The following KDM6B variants were observed in gnomAD, a reference collection of about 807,000 sequenced individuals.
KDM6B encodes lysine-specific demethylase 6B.
KDM6B carries 22 observed loss-of-function variants against 150.4 expected under a neutral mutation model. That is an observed-to-expected ratio of 0.15 (90% CI 0.10 to 0.21). The LOEUF (loss-of-function observed/expected upper bound fraction) is 0.21, where lower values mean the gene tolerates loss of function less well. Among genes scored for constraint, KDM6B ranks in the 10% least tolerant of loss-of-function variants. The pLI is 1.00. For synonymous variants in KDM6B, 1,148 were observed against 921.1 expected (o/e 1.25, Z -4.46); for missense variants, 1,984 against 2,234.3 (o/e 0.89, Z 2.26).
rs371958615 is a variant in KDM6B, at chr17:7,848,044, C to T, written c.1756C>T (p.Arg586Trp). The T allele has an allele frequency of 2.1e-5, 34 of 1,611,264 alleles. No individual in the cohort carries two copies. Among genetic ancestry groups the T allele is most frequent in the African/African-American group, 1.2e-4 (9 of 74,650 alleles). The part of the protein sequence containing the change: ...YLARSIDPLP[R>W]PPSPAQNPQD... ...GGCCAGAAGTATAGACCCCCTTCCCCGGCCTCCCAGCCCAGCACAGAACCC... is the reference window on the plus strand; with the variant it reads ...GGCCAGAAGTATAGACCCCCTTCCCTGGCCTCCCAGCCCAGCACAGAACCC... The change falls in exon 12 of 24, where the codon CGG (arginine) becomes TGG (tryptophan). Residue 586 changes from arginine to tryptophan, a missense_variant. Transcript: ENST00000448097.
rs34157498 is a variant in KDM6B, at chr17:7,854,407, T to TA, written c.*894dup. ...AAGTGGGAACTGAAATGGTATTTTG[T>TA]AAAAAAAATAAATAAAATAAAAAAA... On this transcript the variant is annotated 3_prime_UTR_variant, in exon 24 of 24. Transcript: ENST00000448097. 60,926 of 151,902 alleles carry TA rather than the reference T, an allele frequency of 0.4. 14,746 individuals carry two copies. Among genetic ancestry groups the TA allele is most frequent in the Non-Finnish European group, 0.57 (38,843 of 67,864 alleles). The allele number at this position is 151,902 out of a possible 1,614,324, so 9.4% of individuals were successfully genotyped here. A position where few individuals can be genotyped will look rare whatever the true frequency, so the allele number is the denominator to read the frequency against.
rs200764249 is a variant in KDM6B, at chr17:7,851,258, T to C, written c.3879+32T>C. ...TGAGAACGTGGCCAGAGGCAGGTCCTGGGACGGGGCTGCGGTGGGAGGGCT... is the reference window on the plus strand; with the variant it reads ...TGAGAACGTGGCCAGAGGCAGGTCCCGGGACGGGGCTGCGGTGGGAGGGCT... On this transcript the variant is annotated intron_variant, in intron 15 of 23. Coordinates refer to ENST00000448097, the MANE Select transcript of KDM6B (RefSeq NM_001348716.2). 201 of 1,613,412 alleles carry C rather than the reference T, an allele frequency of 1.2e-4. No homozygotes were observed. The East Asian group carries it at 4.3e-3, about 35-fold the overall frequency.
chr17:7,846,040 CA>C (rs770193188), intron 6 of KDM6B, 37 bp from the exon 7 acceptor site: 1 of 1,503,984 alleles, frequency 6.6e-7, no homozygotes, highest in South Asian at 1.2e-5. Flanking sequence ...CCCTCAAGCC[CA>C]ACCCCCACCC....
chr17:7,836,041 T>C (rs2078329059), intron 1 of KDM6B, among the ~76,000 whole-genome samples: 2 of 152,210 alleles, frequency 1.3e-5, no homozygotes, highest in South Asian at 4.1e-4. Context: ...GGCCGCTGCC[T>C]TCCCGGGCTC....
Position 7,849,912 on chromosome 17 carries a change from C to A in KDM6B, c.3532C>A (p.Arg1178=), listed in dbSNP as rs779500605. The A allele has an allele frequency of 6.2e-7, 1 of 1,613,570 alleles. No individual in the cohort carries two copies. The highest frequency in any genetic ancestry group is 1.1e-5 in the South Asian group (1 of 91,080). The change falls in exon 13 of 24, where the codon CGG becomes AGG. Residue 1178 remains arginine, a synonymous_variant. Coordinates refer to ENST00000448097, the MANE Select transcript of KDM6B (RefSeq NM_001348716.2). The stretch of plus-strand genomic sequence containing the variant: ...GATCAACACTGAGGAGAAGCTGCCC[C>A]GGGAAAAACTCAACCCCCCTACACC... ...PKINTEEKLP[R]EKLNPPTPSI... is the part of the protein sequence containing the mutation.
rs1362422851 is a variant in KDM6B at position 7,849,559 on chromosome 17, A to G, written c.3271A>G (p.Lys1091Glu). ...PPGVSRADMLKLRSLSEGPPK... is the reference protein window; with the variant it reads ...PPGVSRADMLELRSLSEGPPK... ...GGGTGTCAGCCGGGCCGACATGCTG[A>G]AGCTGCGCTCACTTAGTGAGGGGCC... The change falls in exon 12 of 24, where the codon AAG becomes GAG. Residue 1091 changes from lysine to glutamate, a missense_variant. By Grantham distance (56) the Lys-to-Glu change is moderately conservative. Coordinates refer to ENST00000448097, the MANE Select transcript of KDM6B (RefSeq NM_001348716.2). The G allele has an allele frequency of 1.2e-6, 2 of 1,612,752 alleles. No individual in the cohort carries two copies. Among genetic ancestry groups the G allele is most frequent in the Non-Finnish European group, 1.7e-6 (2 of 1,179,982 alleles).
intron 21 of KDM6B, 89 bp from the exon 22 acceptor site, chr17:7,852,911 T>G: frequency 7.7e-6 from 12 of 1,565,812 alleles, no homozygotes; most frequent in Non-Finnish European, 1.1e-5. Context: ...GGGAGGGCCC[T>G]GGGGCTGCCC....
rs757312555 is a variant in KDM6B at position 7,851,372 on chromosome 17, A to G, written c.3922A>G (p.Ser1308Gly). 6 of 1,614,204 alleles carry G rather than the reference A, an allele frequency of 3.7e-6. No individual in the cohort carries two copies. The East Asian group carries it at 1.3e-4, about 36-fold the overall frequency. The change falls in exon 16 of 24, where the codon AGC becomes GGC. Residue 1308 changes from serine (S) to glycine (G), a missense_variant. By Grantham distance (56) the Ser-to-Gly change is moderately conservative. Transcript: ENST00000448097. ...SEDEESEEPDSTTGTPPSSAP... is the reference protein window; with the variant it reads ...SEDEESEEPDGTTGTPPSSAP... ...GGATGAGGAGTCAGAGGAGCCAGAC[A>G]GCACCACTGGAACCCCTCCTAGGTA...
chr17:7,852,284 G>T lies in KDM6B; in HGVS notation c.4416G>T (p.Val1472=), dbSNP rs530809501. Residue 1472 remains valine, a synonymous_variant, in exon 20 of 24, where the codon GTG becomes GTT. Transcript: ENST00000448097. ...TTAATGCGGGGACTGTGCACTGGGT[G>T]CAGGCCACCGGCTGGTGCAACAACA... ...VWINAGTVHW[V]QATGWCNNIA... is the part of the protein sequence containing the mutation. 1.2e-6 allele frequency: 2 copies of T among 1,613,918 alleles called. No individual in the cohort carries two copies. The highest frequency in any genetic ancestry group is 1.3e-5 in the African/African-American group (1 of 75,074).
rs1015670752 is a variant in KDM6B at position 7,849,364 on chromosome 17, G to A, written c.3076G>A (p.Glu1026Lys). 1.8e-5 allele frequency: 29 copies of A among 1,603,796 alleles called. No homozygotes were observed. In the East Asian group the frequency reaches 3.6e-4, roughly 20 times the overall value. ...RVLGNLDLQSEEIQGREKSRP... is the reference protein window; with the variant it reads ...RVLGNLDLQSKEIQGREKSRP... ...GCTGGGGAACCTGGACCTGCAGAGC[G>A]AGGAGATCCAGGGTCGTGAGAAGTC... The change falls in exon 12 of 24, where the codon GAG becomes AAG. Residue 1026 changes from glutamate (E) to lysine (K), a missense_variant. By Grantham distance (56) the Glu-to-Lys change is moderately conservative. Transcript: ENST00000448097.
Position 7,848,515 on chromosome 17 carries a change from A to C in KDM6B, c.2227A>C (p.Thr743Pro), listed in dbSNP as rs1597845502. Residue 743 changes from threonine to proline, a missense_variant, in exon 12 of 24, where the codon ACC (threonine) becomes CCC (proline). Physicochemically the swap from Thr to Pro is conservative, Grantham distance 38 (BLOSUM62 -1). Transcript: ENST00000448097. ...QSPFPTDTAP[T>P]TTAPAVAVTT... The stretch of plus-strand genomic sequence containing the variant: ...TCCTTTCCCCACCGACACAGCCCCC[A>C]CCACTACTGCTCCTGCTGTCGCCGT... The C allele has an allele frequency of 6.3e-7, 1 of 1,578,490 alleles. No homozygotes were observed. The highest frequency in any genetic ancestry group is 1.6e-5 in the African/African-American group (1 of 64,324).
In KDM6B at chr17:7,848,531, C is replaced by T; in HGVS notation, c.2243C>T (p.Ala748Val). ...TDTAPTTTAP[A>V]VAVTTTTTTT... ...ACAGCCCCCACCACTACTGCTCCTG[C>T]TGTCGCCGTCACCACCACCACCACC... The change falls in exon 12 of 24, where the codon GCT becomes GTT. Residue 748 changes from alanine to valine, a missense_variant. Transcript: ENST00000448097. The T allele has an allele frequency of 6.2e-7, 1 of 1,610,128 alleles. No individual in the cohort carries two copies. The highest frequency in any genetic ancestry group is 8.5e-7 in the Non-Finnish European group (1 of 1,179,336).
At position 7,847,648 on chromosome 17, in the gene KDM6B, G is replaced by A. The variant is rs766414287; in HGVS notation, c.1360G>A (p.Ala454Thr). ...TCGGAAACCGTTCTTGGGGGCTCCC[G>A]CTGCCACTCCCCACCTATCCCTGCC... The part of the protein sequence containing the change: ...SSRKPFLGAP[A>T]ATPHLSLPPG... Residue 454 changes from alanine to threonine, a missense_variant, in exon 12 of 24, where the codon GCT (alanine) becomes ACT (threonine). Transcript: ENST00000448097. 1.7e-5 allele frequency: 27 copies of A among 1,609,034 alleles called. No homozygotes were observed. Among genetic ancestry groups the A allele is most frequent in the Admixed American group, 3.4e-5 (2 of 59,676 alleles).
chr17:7,845,552 T>TG lies in KDM6B; in HGVS notation c.-1dup, dbSNP rs778834600. 6.2e-7 allele frequency: 1 copy of TG among 1,614,156 alleles called. No homozygotes were observed. The highest frequency in any genetic ancestry group is 8.5e-7 in the Non-Finnish European group (1 of 1,180,024). ...ATAATTTCTTATCCCCAACTCAGGC[T>TG]GGATGCATCGGGCAGTGGACCCTCC... On this transcript the variant is annotated 5_prime_UTR_variant, in exon 5 of 24. Transcript: ENST00000448097.
Position 7,851,074 on chromosome 17 carries a change from G to A in KDM6B, c.3727G>A (p.Val1243Met), listed in dbSNP as rs368880082. The A allele has an allele frequency of 2.0e-5, 33 of 1,613,260 alleles. No individual in the cohort carries two copies. Among genetic ancestry groups the A allele is most frequent in the African/African-American group, 2.7e-5 (2 of 74,898 alleles). ...GGTGGAAGCGAGTGGCGAACACACC[G>A]TGGAAGTTCGCACCCAGGTGCAGCA... ...TLVEASGEHT[V>M]EVRTQVQQPS... The change falls in exon 15 of 24, where the codon GTG (valine) becomes ATG (methionine). Residue 1243 changes from valine (V) to methionine (M), a missense_variant. Physicochemically the swap from Val to Met is conservative, Grantham distance 21. This residue lies in a region of KDM6B where 25 missense variants were observed against 36.4 expected (regional missense o/e 0.69). Coordinates refer to ENST00000448097, the MANE Select transcript of KDM6B (RefSeq NM_001348716.2).
rs1305396545 is a variant in KDM6B, at chr17:7,848,295, A to C, written c.2007A>C (p.Arg669=). 1.9e-6 allele frequency: 3 copies of C among 1,609,214 alleles called. No individual in the cohort carries two copies. Among genetic ancestry groups the C allele is most frequent in the African/African-American group, 2.7e-5 (2 of 73,592 alleles). The change falls in exon 12 of 24, where the codon CGA becomes CGC. Residue 669 remains arginine, a synonymous_variant. Coordinates refer to ENST00000448097, the MANE Select transcript of KDM6B (RefSeq NM_001348716.2). ...GGGAGCTGCCTGCCCGAGGCCCTCG[A>C]CTCTTTGATTTTCCCCCCACTCCGC... ...GVGELPARGP[R]LFDFPPTPLE...
In KDM6B at chr17:7,843,377, G is replaced by T. The variant is rs1270568561; in HGVS notation, c.-268-1524G>T. 6.6e-6 allele frequency among the ~76,000 whole-genome samples: 1 copy of T among 152,218 alleles called. No individual in the cohort carries two copies. The highest frequency in any genetic ancestry group is 2.4e-5 in the African/African-American group (1 of 41,454). ...GGATGCTGCCTCTAGTGAGGAGAGA[G>T]TTCTGACAGTAATACCACGTGAACC... is the stretch of plus-strand genomic sequence containing the variant. On this transcript the variant is annotated intron_variant, in intron 2 of 23. Transcript: ENST00000448097. This position sits in a 1 kb window ranked among gnomAD's most constrained non-coding sequence, Gnocchi z 4.5.
At position 7,853,517 on chromosome 17, in the gene KDM6B, G is replaced by A. The variant is rs1359383904; in HGVS notation, c.4928G>A (p.Arg1643Gln). The A allele has an allele frequency of 2.0e-6, 3 of 1,501,830 alleles. No individual in the cohort carries two copies. The highest frequency in any genetic ancestry group is 5.2e-5 in the East Asian group (2 of 38,418). The allele number at this position is 1,501,830 out of a possible 1,614,324, so 93.0% of individuals were successfully genotyped here. Reference sequence around the variant, plus strand: ...CCCCAGGCCCCAGCCAGCACGTCGCGATGAGGCCGGACGCCCCGCCCGCCT... The same window carrying A: ...CCCCAGGCCCCAGCCAGCACGTCGCAATGAGGCCGGACGCCCCGCCCGCCT... ...AFTLAPASTS[R>Q] is the part of the protein sequence containing the mutation. Residue 1643 changes from arginine (R) to glutamine (Q), a missense_variant, in exon 24 of 24, where the codon CGA becomes CAA. Arg to Gln is a conservative substitution (Grantham distance 43). This residue lies in a region of KDM6B where 58 missense variants were observed against 76.4 expected (regional missense o/e 0.76). Transcript: ENST00000448097.
In KDM6B at chr17:7,846,805, C is replaced by T. The variant is rs1567790605; in HGVS notation, c.712-14C>T. 5.0e-6 allele frequency: 8 copies of T among 1,613,516 alleles called. No individual in the cohort carries two copies. Among genetic ancestry groups the T allele is most frequent in the East Asian group, 2.2e-5 (1 of 44,880 alleles). On this transcript the variant is annotated splice_polypyrimidine_tract_variant and intron_variant, in intron 9 of 23. Transcript: ENST00000448097. Reference sequence around the variant, plus strand: ...GACTTGGGAATGGGATTCTCACACTCTCTTCTCTCCTAGACTGGCCTTCCC... The same window carrying T: ...GACTTGGGAATGGGATTCTCACACTTTCTTCTCTCCTAGACTGGCCTTCCC...
Sources: gnomAD v4.1 joint callset for allele counts (sites outside exome capture counted in the v4.1 genomes callset) on GRCh38, gnomAD v4.1.1 for gene constraint, gnomAD v4.1.1 regional missense constraint, Gnocchi (gnomAD v3.1) non-coding constraint, MANE v1.5 for transcripts, NCBI Gene and HGNC (gene_info 2026-07-23, HGNC 2026-07-21) for gene names.